Variants in MAP3K5 observed in about 807,000 individuals in gnomAD.
MAP3K5 encodes mitogen-activated protein kinase kinase kinase 5.
MAP3K5 carries 56 observed loss-of-function variants against 158.7 expected under a neutral mutation model. The ratio of observed to expected loss-of-function variants is 0.35; its 90% CI spans 0.28 to 0.44. MAP3K5 has a LOEUF of 0.44. Ranked by LOEUF, MAP3K5 falls within the 20% of genes least tolerant of loss-of-function variation. The pLI, the probability that MAP3K5 is intolerant of heterozygous loss-of-function variation, is 1.00. For missense variants in MAP3K5, 1,294 were observed against 1,674.8 expected, an observed-to-expected ratio of 0.77 and a Z score of 3.97; for synonymous variants, 579 against 601.7, an observed-to-expected ratio of 0.96 and a Z score of 0.55.
intron 10 of MAP3K5, 63 bp downstream of exon 10, chr6:136,656,244 A>G (rs73558206): frequency 0.032 from 47,695 of 1,482,146 alleles, 3,294 homozygotes; most frequent in South Asian, 0.25. Context: ...CACTGATACA[A>G]TCACAGTACA....
chr6:136,561,829 A>C (rs190721789), intron 27 of MAP3K5, among the ~76,000 whole-genome samples, 184 bp from the exon 28 acceptor site: 2 of 152,370 alleles, frequency 1.3e-5, no homozygotes, highest in East Asian at 3.9e-4. Context: ...AAGTGAATTT[A>C]CTAGTAAATA....
At chr6:136,736,693 T>G (rs1782475387) in intron 1 of MAP3K5, among the ~76,000 whole-genome samples, 2 of 152,100 alleles carry the variant, frequency 1.3e-5, no homozygotes, top group African/African-American at 4.8e-5. Context: ...CTAGGAAAAC[T>G]AATGTTGTTG....
At chr6:136,708,002 A>T (rs1475238798) in intron 2 of MAP3K5, among the ~76,000 whole-genome samples, 3 of 152,238 alleles carry the variant, frequency 2.0e-5, no homozygotes, top group Non-Finnish European at 4.4e-5. Context: ...AAAAGAGAGA[A>T]AAATGAAATT....
In MAP3K5 at chr6:136,617,155, G is replaced by A. The variant is rs183736423; in HGVS notation, c.2151-2869C>T. ...AAACTAAGGAGATAGCTCAAAATTT[G>A]CAATAATAGTCAGAATCCAACCTAG... On this transcript the variant is annotated intron_variant, in intron 15 of 29. Coordinates refer to ENST00000359015, the MANE Select transcript of MAP3K5 (RefSeq NM_005923.4). Among the ~76,000 whole-genome samples the A allele has an allele frequency of 3.9e-4, 59 of 152,160 alleles. 1 individual carries two copies. The highest frequency in any genetic ancestry group is 6.9e-4 in the Non-Finnish European group (47 of 68,000).
Position 136,656,293 on chromosome 6 carries a change from G to T in MAP3K5, c.1680+14C>A, listed in dbSNP as rs1377526326. On this transcript the variant is annotated intron_variant, in intron 10 of 29. Transcript: ENST00000359015. ...ATAAAGAAATGTACTTAGATTTAAA[G>T]GAAGAGTACTCACTGGAAACCTAAC... 6.2e-7 allele frequency: 1 copy of T among 1,610,100 alleles called. No individual in the cohort carries two copies. Among genetic ancestry groups the T allele is most frequent in the Non-Finnish European group, 8.5e-7 (1 of 1,176,470 alleles).
intron 1 of MAP3K5, among the ~76,000 whole-genome samples, chr6:136,773,118 T>G (rs1452644320): frequency 1.3e-5 from 2 of 152,184 alleles, no homozygotes; most frequent in East Asian, 3.8e-4. Flanking sequence ...CAGAAGTTAT[T>G]CTCATAAGAA....
rs116523516 is a variant in MAP3K5 at position 136,732,787 on chromosome 6, G to A, written c.449-12198C>T. On this transcript the variant is annotated intron_variant, in intron 1 of 29. Coordinates refer to ENST00000359015, the MANE Select transcript of MAP3K5 (RefSeq NM_005923.4). The stretch of plus-strand genomic sequence containing the variant: ...CAGAAGCAAGATGTAAGCCTCCTAA[G>A]CATCAAAAACACCATTTTTTGAACT... Among the ~76,000 whole-genome samples, 271 of 152,210 alleles carry A rather than the reference G, an allele frequency of 1.8e-3. 1 individual carries two copies. Among genetic ancestry groups the A allele is most frequent in the African/African-American group, 6.4e-3 (265 of 41,510 alleles).
chr6:136,616,667 A>G (rs1458211024), intron 15 of MAP3K5, among the ~76,000 whole-genome samples: 1 of 152,036 alleles, frequency 6.6e-6, no homozygotes, highest in African/African-American at 2.4e-5. Flanking sequence ...TACAGAGTTA[A>G]GAGATAAAGA....
intron 7 of MAP3K5, among the ~76,000 whole-genome samples, chr6:136,676,793 C>CTTTT (rs67161871): frequency 6.9e-5 from 9 of 130,732 alleles, no homozygotes; most frequent in African/African-American, 9.1e-5. Context: ...CTTTTCTTTT[C>CTTTT]TTTTTTTTTT....
At position 136,609,818 on chromosome 6, in the gene MAP3K5, A is replaced by C. The variant is rs1428277868; in HGVS notation, c.2521+1464T>G. Among the ~76,000 whole-genome samples the C allele has an allele frequency of 6.7e-6, 1 of 150,060 alleles. No homozygotes were observed. The highest frequency in any genetic ancestry group is 2.5e-5 in the African/African-American group (1 of 40,658). ...TCAAAAGAAAAAACAAAAACAAAAAAACAGTTTTGCCAGGCATGACATCCT... is the reference window on the plus strand; with the variant it reads ...TCAAAAGAAAAAACAAAAACAAAAACACAGTTTTGCCAGGCATGACATCCT... On this transcript the variant is annotated intron_variant, in intron 18 of 29. Transcript: ENST00000359015. This position sits in a 1 kb window ranked among gnomAD's most constrained non-coding sequence, Gnocchi z 4.4.
chr6:136,708,801 A>G (rs545830900), intron 2 of MAP3K5, among the ~76,000 whole-genome samples: 40 of 152,338 alleles, frequency 2.6e-4, no homozygotes, highest in Middle Eastern at 6.8e-3. Flanking sequence ...CAAAGCCAGG[A>G]ACACAGTATG....
intron 1 of MAP3K5, among the ~76,000 whole-genome samples, chr6:136,779,579 A>T (rs1031360353): frequency 2.6e-5 from 4 of 152,330 alleles, no homozygotes; most frequent in Middle Eastern, 3.4e-3. Context: ...AGTGTCATAT[A>T]TTCAGCTTGT....
intron 25 of MAP3K5, among the ~76,000 whole-genome samples, chr6:136,571,984 A>G (rs1489919382): frequency 1.3e-5 from 2 of 152,162 alleles, no homozygotes; most frequent in African/African-American, 4.8e-5. Context: ...CCATTTCTTA[A>G]TTTATTGATA....
chr6:136,633,202 C>T (rs1777456696), intron 14 of MAP3K5, among the ~76,000 whole-genome samples: 1 of 151,978 alleles, frequency 6.6e-6, no homozygotes, highest in Non-Finnish European at 1.5e-5. Context: ...TGTTCAAGAC[C>T]AGCCTGGCCA....
intron 1 of MAP3K5, among the ~76,000 whole-genome samples, chr6:136,749,035 A>G (rs1405792038): frequency 6.6e-6 from 1 of 152,232 alleles, no homozygotes; most frequent in African/African-American, 2.4e-5. Flanking sequence ...CTTATAGTCA[A>G]ATTGCCTTAA....
intron 7 of MAP3K5, among the ~76,000 whole-genome samples, chr6:136,684,774 T>C (rs749870560): frequency 6.6e-5 from 10 of 152,330 alleles, no homozygotes; most frequent in Middle Eastern, 3.4e-3. Context: ...TAAATCTTTA[T>C]ATTGAAAAGC....
chr6:136,558,967 TA>T, intron 28 of MAP3K5, 91 bp from the exon 29 acceptor site: 1 of 713,708 alleles, frequency 1.4e-6, no homozygotes. Flanking sequence ...TGACTATAAT[TA>T]AAAATGAATC....
At chr6:136,570,644 T>G (rs777833622) in intron 25 of MAP3K5, among the ~76,000 whole-genome samples, 1 of 152,192 alleles carries the variant, frequency 6.6e-6, no homozygotes, top group Non-Finnish European at 1.5e-5. Context: ...AAATTCTGTA[T>G]AGTGGTTTTA....
intron 12 of MAP3K5, among the ~76,000 whole-genome samples, chr6:136,640,448 G>C (rs1465341082): frequency 6.6e-6 from 1 of 152,150 alleles, no homozygotes; most frequent in Non-Finnish European, 1.5e-5. Flanking sequence ...CCTTCCATTT[G>C]GAATGCATGT....
Sources: allele counts gnomAD v4.1 joint callset (sites outside exome capture counted in the v4.1 genomes callset), GRCh38; gene constraint gnomAD v4.1.1; non-coding constraint Gnocchi (gnomAD v3.1); transcripts MANE v1.5; gene names NCBI Gene and HGNC (gene_info 2026-07-23, HGNC 2026-07-21).